OGFRL1: variants seen among roughly 807,000 people sequenced by gnomAD.
OGFRL1 encodes the protein opioid growth factor receptor-like protein 1.
Under a neutral mutation model 32.4 loss-of-function variants are expected in OGFRL1, and 26 were observed. The observed-to-expected ratio is 0.80, with a 90% CI of 0.59 to 1.11. The LOEUF is 1.11. Ranked by LOEUF, OGFRL1 falls within the 50% of genes most tolerant of loss-of-function variation. The pLI is 0.00. For missense variants in OGFRL1, 521 were observed against 546.4 expected (o/e 0.95, Z 0.46); for synonymous variants, 211 against 201.2 (o/e 1.05, Z -0.41).
At chr6:71,297,082 A>C (rs558563536) in intron 6 of OGFRL1, among the ~76,000 whole-genome samples, 2 of 152,260 alleles carry the variant, frequency 1.3e-5, no homozygotes, top group South Asian at 4.1e-4. Flanking sequence ...CCCACAGCCA[A>C]ATGTTGCTTC....
chr6:71,289,335 C>T, intron 1 of OGFRL1, 165 bp downstream of exon 1: 3 of 984,228 alleles, frequency 3.0e-6, no homozygotes, highest in Non-Finnish European at 3.6e-6. Context: ...CCGGTGGAGC[C>T]CGGGGGCCTG....
At chr6:71,298,586 G>T (rs1766286595) in intron 6 of OGFRL1, among the ~76,000 whole-genome samples, 2 of 152,104 alleles carry the variant, frequency 1.3e-5, no homozygotes, top group African/African-American at 2.4e-5. Context: ...TTAATTAAAT[G>T]ATTTCCAGGG....
intron 6 of OGFRL1, 96 bp downstream of exon 6, chr6:71,296,913 T>C (rs1381954593): frequency 7.3e-7 from 1 of 1,377,126 alleles, no homozygotes; most frequent in Non-Finnish European, 9.9e-7. Context: ...GCAGATGAGA[T>C]GGGCCCAGGA....
intron 1 of OGFRL1, 52 bp from the exon 2 acceptor site, chr6:71,293,241 T>C: frequency 6.8e-7 from 1 of 1,460,236 alleles, no homozygotes; most frequent in Non-Finnish European, 9.6e-7. Flanking sequence ...GAAATTTCTT[T>C]GTGAAATTAT....
At chr6:71,297,878 G>A (rs535539514) in intron 6 of OGFRL1, among the ~76,000 whole-genome samples, 2 of 151,568 alleles carry the variant, frequency 1.3e-5, no homozygotes, top group South Asian at 2.1e-4. Context: ...ATGTATACAC[G>A]TGCCATGTTG....
Position 71,288,922 on chromosome 6 carries a change from G to GC in OGFRL1, c.-13dup. 1 of 1,324,034 alleles carries GC rather than the reference G, an allele frequency of 7.6e-7. No individual in the cohort carries two copies. Among genetic ancestry groups the GC allele is most frequent in the Non-Finnish European group, 9.8e-7 (1 of 1,020,062 alleles). 82.0% of individuals were successfully genotyped at this position (1,324,034 alleles called of 1,614,324 possible). A position where few individuals can be genotyped will look rare whatever the true frequency, so the allele number is the denominator to read the frequency against. On this transcript the variant is annotated 5_prime_UTR_variant, in exon 1 of 7. Transcript: ENST00000370435. Reference sequence around the variant, plus strand: ...CCCGCAGCCCCGCAGCCCCGCGCCCGCCGCCGCCTCTTCAATGGGCAACCT... The same window carrying GC: ...CCCGCAGCCCCGCAGCCCCGCGCCCGCCCGCCGCCTCTTCAATGGGCAACCT...
chr6:71,301,352 TC>T (rs757761495), intron 6 of OGFRL1, 33 bp from the exon 7 acceptor site: 2 of 1,499,940 alleles, frequency 1.3e-6, no homozygotes, highest in Admixed American at 4.5e-5. Flanking sequence ...ACACCTGATT[TC>T]CCCCACTCAT....
chr6:71,299,969 G>A (rs1433436503), intron 6 of OGFRL1, among the ~76,000 whole-genome samples: 1 of 152,106 alleles, frequency 6.6e-6, no homozygotes, highest in African/African-American at 2.4e-5. Context: ...TAAGGTTTTT[G>A]TTTTGTCCAA....
chr6:71,292,011 T>G (rs1766065563), intron 1 of OGFRL1: 1 of 152,214 alleles, frequency 6.6e-6, no homozygotes. Context: ...ACTTATTAAC[T>G]GTCAATCAGG....
chr6:71,294,929 C>T (rs1766157834), intron 3 of OGFRL1, among the ~76,000 whole-genome samples: 1 of 151,818 alleles, frequency 6.6e-6, no homozygotes, highest in South Asian at 2.1e-4. Flanking sequence ...CTATTTTTTT[C>T]TACTAGGGAA....
Position 71,296,323 on chromosome 6 carries a change from A to G in OGFRL1, c.407A>G (p.Tyr136Cys), listed in dbSNP as rs1766206238. The G allele has an allele frequency of 6.3e-7, 1 of 1,595,490 alleles. No individual in the cohort carries two copies. Among genetic ancestry groups the G allele is most frequent in the East Asian group, 2.2e-5 (1 of 44,672 alleles). Residue 136 changes from tyrosine to cysteine, a missense_variant, in exon 4 of 7, where the codon TAC (tyrosine) becomes TGC (cysteine). Transcript: ENST00000370435. The stretch of plus-strand genomic sequence containing the variant: ...TTAAATATTTACTATTTAGGTGTTT[A>G]CATTGAAGAAGTTCTAAGTAAATGG... ...NKIPFKPDGV[Y>C]IEEVLSKWKG...
chr6:71,289,548 T>TAAAAAAAAAAAAAAAAAAAAAA (rs1158690810), intron 1 of OGFRL1: 3 of 541,874 alleles, frequency 5.5e-6, no homozygotes, highest in Non-Finnish European at 6.2e-6. Context: ...GTGTTATTGG[T>TAAAAAAAAAAAAAAAAAAAAAA]AAAAAAAAAA....
intron 3 of OGFRL1, chr6:71,295,297 A>G (rs1236725432): frequency 6.6e-6 from 1 of 152,180 alleles, no homozygotes; most frequent in African/African-American, 2.4e-5. Context: ...ATTCAAAACA[A>G]CTTTTTACCA....
rs1230507644 is a variant in OGFRL1 at position 71,293,329 on chromosome 6, A to T, written c.271A>T (p.Arg91Ter). 6.2e-7 allele frequency: 1 copy of T among 1,613,926 alleles called. No homozygotes were observed. The highest frequency in any genetic ancestry group is 1.7e-5 in the Admixed American group (1 of 60,020). The change falls in exon 2 of 7, where the codon AGA becomes TGA. Residue 91 changes from arginine (R) to a stop codon, truncating the protein, a stop_gained. Transcript: ENST00000370435. LOFTEE classifies it high-confidence loss of function. ...CACTGAAGCAACTGCCAAACCAAAG[A>T]GAAGTTTTTATGCTGCCAGGGATTT... ...DSTEATAKPK[R>*]SFYAARDLYK... is the part of the protein sequence containing the mutation.
rs139600193 is a variant in OGFRL1 at position 71,299,703 on chromosome 6, A to C, written c.693-1683A>C. Among the ~76,000 whole-genome samples the C allele has an allele frequency of 1.9e-3, 293 of 152,306 alleles. 1 individual carries two copies. The highest frequency in any genetic ancestry group is 6.5e-3 in the African/African-American group (271 of 41,574). On this transcript the variant is annotated intron_variant, in intron 6 of 6. Coordinates refer to ENST00000370435, the MANE Select transcript of OGFRL1 (RefSeq NM_024576.5). ...TAAGTATTTAGAGTATGCAAACTCC[A>C]TAGGAATGTAACAACTAAGTTGTTC...
Position 71,302,125 on chromosome 6 carries a change from A to C in OGFRL1, c.*76A>C, listed in dbSNP as rs1370542431. On this transcript the variant is annotated 3_prime_UTR_variant, in exon 7 of 7. Coordinates refer to ENST00000370435, the MANE Select transcript of OGFRL1 (RefSeq NM_024576.5). ...GTATCATTTATCCTAAAGAACAGAGATGAGGTCAATTTCAAATTTTAGCCA... is the reference window on the plus strand; with the variant it reads ...GTATCATTTATCCTAAAGAACAGAGCTGAGGTCAATTTCAAATTTTAGCCA... The C allele has an allele frequency of 6.3e-6, 8 of 1,271,132 alleles. No individual in the cohort carries two copies. Among genetic ancestry groups the C allele is most frequent in the Non-Finnish European group, 8.3e-6 (8 of 960,464 alleles). The allele number at this position is 1,271,132 out of a possible 1,614,324, so 78.7% of individuals were successfully genotyped here.
intron 2 of OGFRL1, 22 bp from the exon 3 acceptor site, chr6:71,293,511 G>T: frequency 6.2e-7 from 1 of 1,601,576 alleles, no homozygotes; most frequent in South Asian, 1.1e-5. Context: ...GCTGGAGATT[G>T]ATTTATTTTT....
Position 71,301,397 on chromosome 6 carries a change from A to G in OGFRL1, c.704A>G (p.Asn235Ser). 3 of 1,577,230 alleles carry G rather than the reference A, an allele frequency of 1.9e-6. No individual in the cohort carries two copies. The highest frequency in any genetic ancestry group is 4.5e-5 in the East Asian group (2 of 44,572). ...ATCCTCTCTTCCAGGTCCCAGCACAACTATTTAAGAATCACTCGTATTCTT... is the reference window on the plus strand; with the variant it reads ...ATCCTCTCTTCCAGGTCCCAGCACAGCTATTTAAGAATCACTCGTATTCTT... ...RFQHLNESQHNYLRITRILKS... is the reference protein window; with the variant it reads ...RFQHLNESQHSYLRITRILKS... Residue 235 changes from asparagine (N) to serine (S), a missense_variant, in exon 7 of 7, where the codon AAC (asparagine) becomes AGC (serine). Asn to Ser is a conservative substitution (Grantham distance 46). Transcript: ENST00000370435.
In OGFRL1 at chr6:71,296,387, C is replaced by T. The variant is rs766399549; in HGVS notation, c.471C>T (p.Tyr157=). Reference sequence around the variant, plus strand: ...AAAAACTGGAGCACAACCACACTTACATTCAATGGTCAGTTACATATTATC... The same window carrying T: ...AAAAACTGGAGCACAACCACACTTATATTCAATGGTCAGTTACATATTATC... ...DYEKLEHNHT[Y]IQWLFPLREQ... Residue 157 remains tyrosine, a synonymous_variant, in exon 4 of 7, where the codon TAC becomes TAT. Coordinates refer to ENST00000370435, the MANE Select transcript of OGFRL1 (RefSeq NM_024576.5). The T allele has an allele frequency of 1.4e-5, 22 of 1,610,926 alleles. No individual in the cohort carries two copies. The East Asian group carries it at 2.7e-4, about 20-fold the overall frequency.
Sources: gnomAD v4.1 joint callset for allele counts (sites outside exome capture counted in the v4.1 genomes callset) on GRCh38, gnomAD v4.1.1 for gene constraint, MANE v1.5 for transcripts, NCBI Gene and HGNC (gene_info 2026-07-23, HGNC 2026-07-21) for gene names.